Variants in SEMA6A observed in about 807,000 individuals in gnomAD.
The protein encoded by SEMA6A is semaphorin 6A.
SEMA6A carries 25 observed loss-of-function variants against 96.8 expected under a neutral mutation model. That is an observed-to-expected ratio of 0.26 (90% CI 0.19 to 0.36). The LOEUF (loss-of-function observed/expected upper bound fraction) is 0.36. SEMA6A is among the 10% of genes least tolerant of loss of function. The pLI is 1.00. For missense variants in SEMA6A, 1,363 were observed against 1,323.1 expected, an observed-to-expected ratio of 1.03 and a Z score of -0.47; for synonymous variants, 612 against 518.0, an observed-to-expected ratio of 1.18 and a Z score of -2.46.
intron 1 of SEMA6A, among the ~76,000 whole-genome samples, chr5:116,538,603 C>T (rs77968039): frequency 0.03 from 4,494 of 152,186 alleles, 90 homozygotes; most frequent in Non-Finnish European, 0.045. Flanking sequence ...TTTTTGCCTT[C>T]AACAAAAGTT....
intron 1 of SEMA6A, among the ~76,000 whole-genome samples, chr5:116,538,204 CAAA>C (rs1288916806): frequency 7.9e-5 from 12 of 151,884 alleles, no homozygotes; most frequent in Admixed American, 2.6e-4. Flanking sequence ...CAAAACAAAA[CAAA>C]ACACACAAAA....
chr5:116,445,569 G>A lies in SEMA6A; in HGVS notation c.*1044C>T, dbSNP rs182705247. 6.6e-5 allele frequency: 10 copies of A among 152,582 alleles called. No individual in the cohort carries two copies. The highest frequency in any genetic ancestry group is 2.2e-4 in the African/African-American group (9 of 41,554). The allele number at this position is 152,582 out of a possible 1,614,324, so 9.5% of individuals were successfully genotyped here. ...ATTCTAAAAGCTTTCTCTCCTGATT[G>A]CTTTAGAAATTAGGATCTGGAAGGA... On this transcript the variant is annotated 3_prime_UTR_variant, in exon 19 of 19. Transcript: ENST00000343348.
At chr5:116,549,516 G>C (rs1278189133) in intron 1 of SEMA6A, among the ~76,000 whole-genome samples, 1 of 152,126 alleles carries the variant, frequency 6.6e-6, no homozygotes, top group Non-Finnish European at 1.5e-5. Context: ...CTGCAGGTTA[G>C]GAGGCTAATT....
At chr5:116,551,633 G>GCAGGTCAGTGACAT (rs1760413390) in intron 1 of SEMA6A, among the ~76,000 whole-genome samples, 1 of 152,006 alleles carries the variant, frequency 6.6e-6, no homozygotes, top group Non-Finnish European at 1.5e-5. Context: ...CCCAGGCACT[G>GCAGGTCAGTGACAT]GCTTCTCTGC....
chr5:116,502,448 AT>A, intron 2 of SEMA6A, 121 bp from the exon 3 acceptor site: 1 of 728,494 alleles, frequency 1.4e-6, no homozygotes. Flanking sequence ...CCATGCCACC[AT>A]TTTCCATTTC....
chr5:116,532,590 C>T (rs1308232146), intron 1 of SEMA6A, among the ~76,000 whole-genome samples: 1 of 152,258 alleles, frequency 6.6e-6, no homozygotes, highest in African/African-American at 2.4e-5. Flanking sequence ...CTCTGGGCTT[C>T]GGTGACCCCA....
intron 1 of SEMA6A, among the ~76,000 whole-genome samples, chr5:116,572,064 G>C (rs1761238200): frequency 6.6e-6 from 1 of 152,144 alleles, no homozygotes; most frequent in South Asian, 2.1e-4. Context: ...ACTAAAGAAA[G>C]ACAAGGCAAA....
intron 6 of SEMA6A, among the ~76,000 whole-genome samples, chr5:116,494,057 C>T (rs781313397): frequency 1.3e-5 from 2 of 152,150 alleles, no homozygotes; most frequent in African/African-American, 2.4e-5. Flanking sequence ...TCATTCTTGA[C>T]TCACCTCTCT....
chr5:116,447,263 C>T lies in SEMA6A; in HGVS notation c.2443G>A (p.Val815Met), dbSNP rs747404398. The change falls in exon 19 of 19, where the codon GTG becomes ATG. Residue 815 changes from valine to methionine, a missense_variant. By Grantham distance (21) the Val-to-Met change is conservative. Transcript: ENST00000343348. ...LRASPSHIPS[V>M]VVLPITQQGY... ...TGCTGCGTGATGGGCAGGACCACCACGCTGGGGATGTGGCTGGGGGAGGCC... is the reference window on the plus strand; with the variant it reads ...TGCTGCGTGATGGGCAGGACCACCATGCTGGGGATGTGGCTGGGGGAGGCC... The T allele has an allele frequency of 6.2e-6, 10 of 1,613,834 alleles. No individual in the cohort carries two copies. In the Admixed American group the frequency reaches 6.7e-5, roughly 11 times the overall value.
chr5:116,489,225 T>C (rs772285386), intron 7 of SEMA6A, among the ~76,000 whole-genome samples: 2 of 152,132 alleles, frequency 1.3e-5, no homozygotes, highest in Admixed American at 1.3e-4. Context: ...TAAAATTGCA[T>C]GGCAATTTTT....
intron 1 of SEMA6A, among the ~76,000 whole-genome samples, chr5:116,549,367 C>A (rs1320542029): frequency 1.3e-5 from 2 of 152,266 alleles, no homozygotes; most frequent in African/African-American, 4.8e-5. Context: ...GCAGGAGGAT[C>A]TTGATCATGC....
At chr5:116,556,584 T>A (rs921983588) in intron 1 of SEMA6A, among the ~76,000 whole-genome samples, 5 of 152,178 alleles carry the variant, frequency 3.3e-5, no homozygotes, top group African/African-American at 1.2e-4. Flanking sequence ...GGCACAGAGA[T>A]GTTAAGTAAT....
Position 116,482,677 on chromosome 5 carries a change from T to C in SEMA6A, c.963-102A>G, listed in dbSNP as rs1756844849. On this transcript the variant is annotated intron_variant, in intron 10 of 18. Transcript: ENST00000343348. The stretch of plus-strand genomic sequence containing the variant: ...CTTTCCTGGTACAGCAAATGAAATT[T>C]AAAGTTCATACCTTGGACACTATAA... 4.3e-6 allele frequency: 5 copies of C among 1,166,120 alleles called. No individual in the cohort carries two copies. In the Admixed American group the frequency reaches 7.9e-5, roughly 18 times the overall value. 72.2% of individuals were successfully genotyped at this position (1,166,120 alleles called of 1,614,324 possible). A position where few individuals can be genotyped will look rare whatever the true frequency, so the allele number is the denominator to read the frequency against.
intron 8 of SEMA6A, among the ~76,000 whole-genome samples, chr5:116,488,505 C>T (rs530119036): frequency 2.0e-5 from 3 of 152,240 alleles, no homozygotes; most frequent in East Asian, 1.9e-4. Flanking sequence ...TATACATTGC[C>T]TTGTCACCCT....
At chr5:116,572,172 T>G (rs1415863255) in intron 1 of SEMA6A, among the ~76,000 whole-genome samples, 1 of 152,160 alleles carries the variant, frequency 6.6e-6, no homozygotes, top group Non-Finnish European at 1.5e-5. Context: ...TGCAAGTGGG[T>G]TAAACGGCTT....
chr5:116,501,395 AT>A (rs201843318), intron 3 of SEMA6A, among the ~76,000 whole-genome samples: 34 of 150,642 alleles, frequency 2.3e-4, no homozygotes, highest in African/African-American at 6.3e-4. Flanking sequence ...ATGGATGAGT[AT>A]TTTTTTTTTA....
At chr5:116,448,835 G>C (rs914664116) in intron 18 of SEMA6A, among the ~76,000 whole-genome samples, 2 of 151,166 alleles carry the variant, frequency 1.3e-5, no homozygotes, top group African/African-American at 2.4e-5. Context: ...TTTCTCACTG[G>C]AACTGAAAGA....
intron 1 of SEMA6A, among the ~76,000 whole-genome samples, chr5:116,573,848 G>A (rs375939995): frequency 2.0e-5 from 3 of 152,180 alleles, no homozygotes. Context: ...CTGGGCACGC[G>A]GGAGGATGAG....
At chr5:116,521,997 G>A (rs1758972462) in intron 1 of SEMA6A, among the ~76,000 whole-genome samples, 1 of 152,116 alleles carries the variant, frequency 6.6e-6, no homozygotes, top group Non-Finnish European at 1.5e-5. Context: ...AAATAGCTTT[G>A]GGTATTTTTA....
Sources: allele counts gnomAD v4.1 joint callset (sites outside exome capture counted in the v4.1 genomes callset), GRCh38; gene constraint gnomAD v4.1.1; transcripts MANE v1.5; gene names NCBI Gene and HGNC (gene_info 2026-07-23, HGNC 2026-07-21).